Variants in QTMAN observed in about 807,000 individuals in gnomAD.
The protein encoded by QTMAN is queuosine-tRNA mannosyltransferase.
chr2:144,097,195 T>C, the QTMAN span, among the ~76,000 whole-genome samples: 4 of 152,370 alleles, frequency 2.6e-5, no homozygotes, highest in Non-Finnish European at 5.9e-5. Flanking sequence ...GATTTTCCTT[T>C]CTCTGTTCAC....
At chr2:144,113,247 G>GA in the QTMAN span, among the ~76,000 whole-genome samples, 1 of 150,998 alleles carries the variant, frequency 6.6e-6, no homozygotes, top group Non-Finnish European at 1.5e-5. Context: ...AAAAAAGAGG[G>GA]AAAAAAAATA....
chr2:144,039,928 T>C, the QTMAN span, among the ~76,000 whole-genome samples: 2 of 152,328 alleles, frequency 1.3e-5, no homozygotes, highest in Admixed American at 1.3e-4. Context: ...TGAAGCTATT[T>C]GTATACTTGT....
chr2:144,027,331 C>A, the QTMAN span, among the ~76,000 whole-genome samples: 1 of 152,164 alleles, frequency 6.6e-6, no homozygotes, highest in Non-Finnish European at 1.5e-5. Context: ...ACTTGTATAT[C>A]ATATCACCTC....
the QTMAN span, among the ~76,000 whole-genome samples, chr2:144,245,282 T>TACATAGC: frequency 6.6e-6 from 1 of 152,348 alleles, no homozygotes; most frequent in South Asian, 2.1e-4. Context: ...TAAGTATAAA[T>TACATAGC]ACATAGCCTG....
At chr2:144,036,688 C>A in the QTMAN span, among the ~76,000 whole-genome samples, 1 of 152,060 alleles carries the variant, frequency 6.6e-6, no homozygotes, top group Admixed American at 6.5e-5. Context: ...TTTACAGTAA[C>A]ATTATATTTT....
chr2:144,199,950 T>C, the QTMAN span, among the ~76,000 whole-genome samples: 3 of 152,236 alleles, frequency 2.0e-5, no homozygotes, highest in Non-Finnish European at 2.9e-5. Context: ...CCAGGACTGC[T>C]GATTCTCCTA....
the QTMAN span, among the ~76,000 whole-genome samples, chr2:144,166,567 C>T: frequency 2.6e-5 from 4 of 152,238 alleles, no homozygotes; most frequent in African/African-American, 9.6e-5. Context: ...TATATATATG[C>T]AATCTTTGGC....
At chr2:144,046,852 TATG>T in the QTMAN span, among the ~76,000 whole-genome samples, 1 of 152,222 alleles carries the variant, frequency 6.6e-6, no homozygotes, top group Non-Finnish European at 1.5e-5. Context: ...TAACGGTACT[TATG>T]AAGAAAGGAT....
the QTMAN span, among the ~76,000 whole-genome samples, chr2:144,268,962 G>C: frequency 1.5e-4 from 23 of 152,070 alleles, no homozygotes; most frequent in African/African-American, 5.1e-4. Context: ...CCTAATTTTT[G>C]TATTTTTGTA....
the QTMAN span, among the ~76,000 whole-genome samples, chr2:144,267,303 C>T: frequency 1.3e-4 from 20 of 152,102 alleles, no homozygotes; most frequent in Non-Finnish European, 2.6e-4. Flanking sequence ...AAGTACAAAC[C>T]CACCCTAACA....
At chr2:143,978,593 G>A in the QTMAN span, among the ~76,000 whole-genome samples, 1 of 152,146 alleles carries the variant, frequency 6.6e-6, no homozygotes, top group Non-Finnish European at 1.5e-5. Flanking sequence ...CAAAGAACTG[G>A]TGGGCCATGA....
chr2:144,268,391 C>T, the QTMAN span, among the ~76,000 whole-genome samples: 1 of 152,166 alleles, frequency 6.6e-6, no homozygotes, highest in African/African-American at 2.4e-5. Context: ...GCACAATAGA[C>T]TAAGGCAGGA....
the QTMAN span, among the ~76,000 whole-genome samples, chr2:144,316,520 T>C: frequency 5.3e-5 from 8 of 152,196 alleles, no homozygotes; most frequent in Non-Finnish European, 5.9e-5. Flanking sequence ...TTATGATATA[T>C]AGCAGTTTCT....
chr2:144,264,905 G>A, the QTMAN span, among the ~76,000 whole-genome samples: 4 of 152,278 alleles, frequency 2.6e-5, no homozygotes, highest in South Asian at 8.3e-4. Context: ...GAGAAGGAGC[G>A]CAATGGTCAG....
chr2:144,331,939 T>C, the QTMAN span, among the ~76,000 whole-genome samples: 1 of 152,172 alleles, frequency 6.6e-6, no homozygotes, highest in Admixed American at 6.5e-5. Context: ...GGGCTCGCAC[T>C]GCAAGGGGCC....
the QTMAN span, among the ~76,000 whole-genome samples, chr2:144,206,940 C>T: frequency 5.9e-3 from 893 of 152,144 alleles, 4 homozygotes; most frequent in African/African-American, 0.021. Context: ...TGAAAAAGTG[C>T]CATAAAGTCA....
chr2:143,971,537 T>TA, the QTMAN span, among the ~76,000 whole-genome samples: 1 of 152,170 alleles, frequency 6.6e-6, no homozygotes, highest in South Asian at 2.1e-4. Flanking sequence ...CTAACATTTT[T>TA]AAAAACTCTA....
chr2:144,177,975 C>G, the QTMAN span, among the ~76,000 whole-genome samples: 1 of 152,134 alleles, frequency 6.6e-6, no homozygotes, highest in Non-Finnish European at 1.5e-5. Context: ...AGCCCCATTT[C>G]AAGTGTGCCC....
the QTMAN span, among the ~76,000 whole-genome samples, chr2:144,155,905 A>T: frequency 6.7e-6 from 1 of 149,292 alleles, no homozygotes; most frequent in Non-Finnish European, 1.5e-5. Context: ...ACAACCATGA[A>T]AAAAAAAAAA....
Sources: allele counts gnomAD v4.1 joint callset (sites outside exome capture counted in the v4.1 genomes callset), GRCh38; gene constraint gnomAD v4.1.1; transcripts MANE v1.5; gene names NCBI Gene and HGNC (gene_info 2026-07-23, HGNC 2026-07-21).